Variants in KIAA0825 observed in about 807,000 individuals in gnomAD.
KIAA0825 encodes uncharacterized protein KIAA0825.
A neutral mutation model predicts 147.6 loss-of-function variants in KIAA0825; 119 were observed. The observed-to-expected ratio is 0.81, with a 90% CI of 0.69 to 0.94. KIAA0825 has a LOEUF of 0.94. KIAA0825 is among the 40% of genes least tolerant of loss of function. KIAA0825 has a pLI of 0.00. For missense variants in KIAA0825, 1,381 were observed against 1,472.7 expected, an observed-to-expected ratio of 0.94 and a Z score of 1.02; for synonymous variants, 470 against 518.1, an observed-to-expected ratio of 0.91 and a Z score of 1.26.
intron 20 of KIAA0825, among the ~76,000 whole-genome samples, chr5:94,322,338 A>C (rs146579405): frequency 7.2e-5 from 11 of 152,016 alleles, no homozygotes; most frequent in Admixed American, 3.3e-4. Context: ...TTAGGTAAAT[A>C]ACCTAAAAAG....
intron 16 of KIAA0825, among the ~76,000 whole-genome samples, chr5:94,399,783 G>A (rs956236213): frequency 1.3e-5 from 2 of 151,924 alleles, no homozygotes; most frequent in Admixed American, 6.6e-5. Flanking sequence ...TTTCTGTAAT[G>A]TACTACTGTA....
intron 20 of KIAA0825, among the ~76,000 whole-genome samples, chr5:94,208,155 T>TA (rs1772376848): frequency 1.3e-5 from 2 of 152,168 alleles, no homozygotes; most frequent in Non-Finnish European, 2.9e-5. Flanking sequence ...TCAGGGAAAA[T>TA]ATCATCAAAG....
At chr5:94,217,614 G>A (rs1393166005) in intron 20 of KIAA0825, among the ~76,000 whole-genome samples, 2 of 152,158 alleles carry the variant, frequency 1.3e-5, no homozygotes, top group African/African-American at 2.4e-5. Context: ...TTCTGAAAAT[G>A]TACTTCAAAG....
intron 5 of KIAA0825, among the ~76,000 whole-genome samples, chr5:94,503,459 C>T (rs577162833): frequency 1.3e-5 from 2 of 152,200 alleles, no homozygotes; most frequent in East Asian, 1.9e-4. Context: ...GAAGTGAATC[C>T]ACTTCTTCTC....
At chr5:94,356,537 G>T (rs1054152834) in intron 20 of KIAA0825, among the ~76,000 whole-genome samples, 1 of 150,974 alleles carries the variant, frequency 6.6e-6, no homozygotes, top group Non-Finnish European at 1.5e-5. Context: ...GCGTGCACCC[G>T]GGAGGCGGAC....
chr5:94,596,157 A>G (rs962617036), intron 1 of KIAA0825, among the ~76,000 whole-genome samples: 3 of 152,144 alleles, frequency 2.0e-5, no homozygotes, highest in African/African-American at 7.2e-5. Flanking sequence ...CATCTTTGCT[A>G]CTTCCTATGA....
intron 5 of KIAA0825, among the ~76,000 whole-genome samples, chr5:94,500,903 T>A (rs1253384507): frequency 3.3e-5 from 5 of 152,034 alleles, no homozygotes; most frequent in Admixed American, 1.3e-4. Flanking sequence ...TCAGTCTCCC[T>A]AGTAGCTGGG....
intron 20 of KIAA0825, among the ~76,000 whole-genome samples, chr5:94,183,984 A>G (rs1769895554): frequency 6.6e-6 from 1 of 152,216 alleles, no homozygotes; most frequent in Middle Eastern, 3.2e-3. Context: ...GTTAACCTGG[A>G]GACCCACCAC....
intron 2 of KIAA0825, among the ~76,000 whole-genome samples, chr5:94,540,604 T>C (rs1211946590): frequency 1.3e-5 from 2 of 152,232 alleles, no homozygotes; most frequent in Non-Finnish European, 2.9e-5. Context: ...ATTAATTGGC[T>C]TAATAATAAG....
chr5:94,612,227 G>C (rs190394987), intron 1 of KIAA0825, among the ~76,000 whole-genome samples: 1 of 152,120 alleles, frequency 6.6e-6, no homozygotes, highest in Non-Finnish European at 1.5e-5. Flanking sequence ...AGGGCAGGAG[G>C]GGGTGGCACA....
Position 94,535,555 on chromosome 5 carries a change from T to G in KIAA0825, c.131+1441A>C, listed in dbSNP as rs374824055. On this transcript the variant is annotated intron_variant, in intron 3 of 20. Coordinates refer to ENST00000682413, the MANE Select transcript of KIAA0825 (RefSeq NM_001145678.3). Reference sequence around the variant, plus strand: ...ATAAGTACTTTTTCATCTTTTGCCATGTATCTATTCCTCGGAAGACTAGAT... The same window carrying G: ...ATAAGTACTTTTTCATCTTTTGCCAGGTATCTATTCCTCGGAAGACTAGAT... 1.3e-4 allele frequency among the ~76,000 whole-genome samples: 20 copies of G among 149,018 alleles called. No individual in the cohort carries two copies. In the South Asian group the frequency reaches 4.1e-3, roughly 30 times the overall value.
rs1024166607 is a variant in KIAA0825, at chr5:94,572,154, T to C, written c.-2+10279A>G. On this transcript the variant is annotated intron_variant, in intron 2 of 20. Coordinates refer to ENST00000682413, the MANE Select transcript of KIAA0825 (RefSeq NM_001145678.3). ...CCAAGTTTGGACTATATTCACTCTA[T>C]GGCAAGAGTAAATAAAGACTGGGAA... Among the ~76,000 whole-genome samples the C allele has an allele frequency of 2.7e-5, 4 of 150,906 alleles. No homozygotes were observed. In the East Asian group the frequency reaches 7.8e-4, roughly 29 times the overall value.
At chr5:94,378,040 G>A (rs1319858633) in intron 20 of KIAA0825, among the ~76,000 whole-genome samples, 1 of 152,136 alleles carries the variant, frequency 6.6e-6, no homozygotes, top group Non-Finnish European at 1.5e-5. Flanking sequence ...ATAAAGACAA[G>A]CTTTCTGTTA....
chr5:94,446,361 A>C (rs1489308754), intron 13 of KIAA0825, among the ~76,000 whole-genome samples: 1 of 152,204 alleles, frequency 6.6e-6, no homozygotes, highest in Non-Finnish European at 1.5e-5. Context: ...TAAAGTAACA[A>C]TTATAAAAAC....
At chr5:94,496,752 A>G (rs891314859) in intron 5 of KIAA0825, among the ~76,000 whole-genome samples, 1 of 152,186 alleles carries the variant, frequency 6.6e-6, no homozygotes, top group Non-Finnish European at 1.5e-5. Context: ...CCCGTGGAAC[A>G]TGGGCCAGAC....
At chr5:94,348,939 C>T (rs535541344) in intron 20 of KIAA0825, among the ~76,000 whole-genome samples, 2 of 152,250 alleles carry the variant, frequency 1.3e-5, no homozygotes, top group East Asian at 3.9e-4. Context: ...TGCAATGGTA[C>T]CTCACATTTC....
chr5:94,254,594 G>T (rs1776146210), intron 20 of KIAA0825, among the ~76,000 whole-genome samples: 1 of 152,114 alleles, frequency 6.6e-6, no homozygotes, highest in Admixed American at 6.6e-5. Flanking sequence ...TGACTGTAAA[G>T]CAAATAATTT....
chr5:94,191,814 G>C (rs1377232175), intron 20 of KIAA0825, among the ~76,000 whole-genome samples: 1 of 152,218 alleles, frequency 6.6e-6, no homozygotes, highest in Non-Finnish European at 1.5e-5. Context: ...AAATCAGCAT[G>C]ACTGTGGAAA....
chr5:94,386,507 G>T, intron 18 of KIAA0825, 103 bp from the exon 19 acceptor site: 1 of 928,194 alleles, frequency 1.1e-6, no homozygotes, highest in Non-Finnish European at 1.6e-6. Flanking sequence ...ACATTTGCTA[G>T]ATTACAGTGT....
Sources: allele counts gnomAD v4.1 joint callset (sites outside exome capture counted in the v4.1 genomes callset), GRCh38; gene constraint gnomAD v4.1.1; transcripts MANE v1.5; gene names NCBI Gene and HGNC (gene_info 2026-07-23, HGNC 2026-07-21).